Variants in FOCAD observed in about 807,000 individuals in gnomAD.
The protein encoded by FOCAD is KIAA1797.
A neutral mutation model predicts 225.6 loss-of-function variants in FOCAD; 198 were observed. The ratio of observed to expected loss-of-function variants is 0.88; its 90% CI spans 0.78 to 0.99. FOCAD has a LOEUF of 0.99. Ranked by LOEUF, FOCAD falls within the 50% of genes least tolerant of loss-of-function variation. The probability of loss-of-function intolerance (pLI) is 0.00; values close to 1 mark genes in which losing one functional copy is unlikely to be tolerated. For missense variants in FOCAD, 2,713 were observed against 2,123.6 expected (o/e 1.28, Z -5.46); for synonymous variants, 897 against 755.0 (o/e 1.19, Z -3.08).
intron 15 of FOCAD, among the ~76,000 whole-genome samples, chr9:20,837,848 T>C (rs1333031281): frequency 6.6e-6 from 1 of 152,078 alleles, no homozygotes. Context: ...ACCTTCTCCA[T>C]GCGTAGGATA....
chr9:20,671,889 C>G (rs902103703), intron 2 of FOCAD, among the ~76,000 whole-genome samples: 2 of 152,046 alleles, frequency 1.3e-5, no homozygotes, highest in African/African-American at 4.8e-5. Flanking sequence ...GTGTACACCT[C>G]TTTCAAATTC....
chr9:20,805,681 G>A (rs747701154), intron 11 of FOCAD, among the ~76,000 whole-genome samples: 7 of 152,028 alleles, frequency 4.6e-5, no homozygotes, highest in Non-Finnish European at 1.0e-4. Context: ...AATTCTGTTA[G>A]ATTTCTCATT....
At chr9:20,747,054 T>A (rs1828099775) in intron 5 of FOCAD, among the ~76,000 whole-genome samples, 1 of 152,206 alleles carries the variant, frequency 6.6e-6, no homozygotes, top group Non-Finnish European at 1.5e-5. Flanking sequence ...AGTTATCATT[T>A]TTTTGAACTA....
intron 21 of FOCAD, among the ~76,000 whole-genome samples, chr9:20,905,634 G>T (rs1372673691): frequency 1.3e-5 from 2 of 151,974 alleles, no homozygotes; most frequent in African/African-American, 4.8e-5. Flanking sequence ...TATGAAAAGG[G>T]AACAGAACTG....
intron 2 of FOCAD, among the ~76,000 whole-genome samples, chr9:20,672,414 A>G (rs1338946632): frequency 2.6e-5 from 4 of 152,252 alleles, no homozygotes; most frequent in Admixed American, 6.5e-5. Context: ...AGTTAAACAA[A>G]TGAAATCAAT....
At chr9:20,722,052 CTCTT>C (rs1257544641) in intron 4 of FOCAD, among the ~76,000 whole-genome samples, 16 of 134,478 alleles carry the variant, frequency 1.2e-4, no homozygotes, top group Non-Finnish European at 2.4e-4. Flanking sequence ...CTCTCTTTCT[CTCTT>C]TCTTTCTCTG....
chr9:20,986,646 A>G (rs115387668), intron 40 of FOCAD, among the ~76,000 whole-genome samples, 181 bp downstream of exon 40: 33 of 152,192 alleles, frequency 2.2e-4, no homozygotes, highest in African/African-American at 7.9e-4. Flanking sequence ...CACAACATCC[A>G]CTTTTTGGAA....
intron 23 of FOCAD, among the ~76,000 whole-genome samples, chr9:20,915,630 A>G (rs1055697708): frequency 6.6e-6 from 1 of 152,176 alleles, no homozygotes; most frequent in Admixed American, 6.5e-5. Flanking sequence ...GTCATCAAGC[A>G]TAATCTTTTA....
At chr9:20,933,785 C>T (rs189195443) in intron 28 of FOCAD, among the ~76,000 whole-genome samples, 2 of 152,300 alleles carry the variant, frequency 1.3e-5, no homozygotes, top group African/African-American at 4.8e-5. Context: ...TTTAAGGAAT[C>T]TCCACACTGT....
intron 1 of FOCAD, among the ~76,000 whole-genome samples, chr9:20,705,930 T>TG (rs1824346306): frequency 3.8e-5 from 2 of 53,292 alleles, no homozygotes; most frequent in African/African-American, 1.6e-4. Context: ...TTAAGTTTTT[T>TG]TTTTTTTTTT....
At chr9:20,928,437 T>C (rs1015028805) in intron 26 of FOCAD, among the ~76,000 whole-genome samples, 1 of 152,182 alleles carries the variant, frequency 6.6e-6, no homozygotes, top group Non-Finnish European at 1.5e-5. Context: ...AAAAACATAT[T>C]TTAATGTGCT....
chr9:20,711,799 A>G (rs1824872862), intron 1 of FOCAD, among the ~76,000 whole-genome samples: 1 of 152,248 alleles, frequency 6.6e-6, no homozygotes, highest in South Asian at 2.1e-4. Context: ...TCTGTGCCAG[A>G]TGACGACTGA....
At position 20,978,467 on chromosome 9, in the gene FOCAD, T is replaced by C; in HGVS notation, c.4377+13T>C. 1 of 1,549,962 alleles carries C rather than the reference T, an allele frequency of 6.5e-7. No individual in the cohort carries two copies. The highest frequency in any genetic ancestry group is 8.8e-7 in the Non-Finnish European group (1 of 1,134,204). ...CCACAGTCTGAGTGTATGTAGTAACTAAGGGTGTTGGCCAACAGGAGGATA... is the reference window on the plus strand; with the variant it reads ...CCACAGTCTGAGTGTATGTAGTAACCAAGGGTGTTGGCCAACAGGAGGATA... On this transcript the variant is annotated intron_variant, in intron 37 of 43. Coordinates refer to ENST00000338382, the MANE Select transcript of FOCAD (RefSeq NM_001375567.1).
intron 36 of FOCAD, among the ~76,000 whole-genome samples, chr9:20,977,152 G>T (rs574771825): frequency 9.9e-5 from 15 of 152,242 alleles, no homozygotes; most frequent in African/African-American, 3.6e-4. Context: ...GCAATAGAGG[G>T]CTAAGATCTT....
chr9:20,656,602 C>T (rs890596659), upstream of FOCAD, among the ~76,000 whole-genome samples: 5 of 151,548 alleles, frequency 3.3e-5, no homozygotes, highest in African/African-American at 1.2e-4. Context: ...ATTGCAACCC[C>T]TGCCTTTTTT....
chr9:20,758,829 C>A (rs1457656423), intron 6 of FOCAD, among the ~76,000 whole-genome samples: 1 of 152,128 alleles, frequency 6.6e-6, no homozygotes. Flanking sequence ...GTCAAATTGT[C>A]CCTGTTTGCA....
At chr9:20,963,132 T>G (rs551651080) in intron 35 of FOCAD, among the ~76,000 whole-genome samples, 1 of 152,210 alleles carries the variant, frequency 6.6e-6, no homozygotes, top group African/African-American at 2.4e-5. Context: ...TAGTGGAAAA[T>G]TTTTTGTGAG....
rs143402968 is a variant in FOCAD at position 20,915,608 on chromosome 9, G to A, written c.2808-1285G>A. On this transcript the variant is annotated intron_variant, in intron 23 of 43. Transcript: ENST00000338382. ...TAGAAGGATCTAGAGAGAGTGGAAG[G>A]AAATAACGAGAGTCATCAAGCATAA... Among the ~76,000 whole-genome samples the A allele has an allele frequency of 2.0e-5, 3 of 152,212 alleles. No individual in the cohort carries two copies. The East Asian group carries it at 5.8e-4, about 30-fold the overall frequency.
chr9:20,662,123 C>T (rs1250116530), intron 2 of FOCAD, among the ~76,000 whole-genome samples: 4 of 151,968 alleles, frequency 2.6e-5, no homozygotes, highest in Non-Finnish European at 5.9e-5. Flanking sequence ...TCACAGTAAA[C>T]TTTTTATATT....
Sources: gnomAD v4.1 joint callset for allele counts (sites outside exome capture counted in the v4.1 genomes callset) on GRCh38, gnomAD v4.1.1 for gene constraint, MANE v1.5 for transcripts, NCBI Gene and HGNC (gene_info 2026-07-23, HGNC 2026-07-21) for gene names.